RAD51B: variants seen among roughly 807,000 people sequenced by gnomAD.
RAD51B encodes the protein RAD51 paralog B.
RAD51B carries 38 observed loss-of-function variants against 42.2 expected under a neutral mutation model. The observed-to-expected ratio is 0.90, with a 90% CI of 0.70 to 1.18. RAD51B has a LOEUF of 1.18. Ranked by LOEUF, RAD51B falls within the 50% of genes most tolerant of loss-of-function variation. RAD51B has a pLI of 0.00. For missense variants in RAD51B, 373 were observed against 400.7 expected (o/e 0.93, Z 0.59); for synonymous variants, 154 against 145.2 (o/e 1.06, Z -0.43).
At chr14:68,024,325 T>C (rs2075917029) in intron 7 of RAD51B, among the ~76,000 whole-genome samples, 1 of 152,228 alleles carries the variant, frequency 6.6e-6, no homozygotes, top group Non-Finnish European at 1.5e-5. Context: ...ATTTGGGCTC[T>C]AAAATTCTAT....
chr14:68,662,336 AT>A (rs1196860467), intron 11 of RAD51B, among the ~76,000 whole-genome samples: 4 of 152,178 alleles, frequency 2.6e-5, no homozygotes, highest in Non-Finnish European at 5.9e-5. Flanking sequence ...ATCCTATTAT[AT>A]TTCATCTTGT....
At chr14:68,681,618 A>G (rs1272282553) in intron 11 of RAD51B, among the ~76,000 whole-genome samples, 1 of 152,178 alleles carries the variant, frequency 6.6e-6, no homozygotes, top group Non-Finnish European at 1.5e-5. Flanking sequence ...CAAAGTTATG[A>G]TTCTAAGACC....
At chr14:68,057,819 CTT>C (rs1271719568) in intron 7 of RAD51B, among the ~76,000 whole-genome samples, 1 of 80,298 alleles carries the variant, frequency 1.2e-5, no homozygotes. Context: ...CCTTTTAGTT[CTT>C]TGTGTGTGTG....
chr14:68,407,276 G>T (rs1466770163), intron 8 of RAD51B, among the ~76,000 whole-genome samples: 1 of 152,038 alleles, frequency 6.6e-6, no homozygotes, highest in African/African-American at 2.4e-5. Flanking sequence ...ACTGGTTTTT[G>T]TATTTACTAA....
At chr14:68,628,473 A>G (rs1892147006) in intron 10 of RAD51B, 1 of 152,442 alleles carries the variant, frequency 6.6e-6, no homozygotes. Context: ...CTGCTGCACA[A>G]AGGCCTGCTT....
intron 7 of RAD51B, among the ~76,000 whole-genome samples, chr14:68,253,479 T>C (rs187844571): frequency 7.9e-5 from 12 of 152,368 alleles, no homozygotes; most frequent in Admixed American, 5.2e-4. Flanking sequence ...TTTTGTCTCA[T>C]ATTTGTTTCA....
intron 8 of RAD51B, among the ~76,000 whole-genome samples, chr14:68,400,962 G>T (rs2084087055): frequency 6.6e-6 from 1 of 152,142 alleles, no homozygotes; most frequent in South Asian, 2.1e-4. Flanking sequence ...AAAAGGTTCA[G>T]GGGCATGGCC....
intron 7 of RAD51B, among the ~76,000 whole-genome samples, chr14:68,257,918 A>T (rs1254159890): frequency 6.6e-6 from 1 of 152,260 alleles, no homozygotes; most frequent in Non-Finnish European, 1.5e-5. Context: ...TTTATTAGTT[A>T]TGGAGAAAGT....
intron 10 of RAD51B, among the ~76,000 whole-genome samples, chr14:68,641,047 T>G (rs1892449897): frequency 6.6e-6 from 1 of 152,198 alleles, no homozygotes; most frequent in South Asian, 2.1e-4. Flanking sequence ...AGAGACTGAT[T>G]ATGGTCATAT....
chr14:68,201,750 C>G (rs8011148), intron 7 of RAD51B, among the ~76,000 whole-genome samples: 4,303 of 152,178 alleles, frequency 0.028, 229 homozygotes, highest in African/African-American at 0.099. Context: ...AGGGAAGGCT[C>G]TGTGGAAGAG....
chr14:68,226,224 G>A (rs913801190), intron 7 of RAD51B, among the ~76,000 whole-genome samples: 1 of 152,150 alleles, frequency 6.6e-6, no homozygotes, highest in Non-Finnish European at 1.5e-5. Flanking sequence ...CTGTGCTTCG[G>A]TTTTCTAATC....
intron 10 of RAD51B, among the ~76,000 whole-genome samples, chr14:68,473,171 A>T (rs546838406): frequency 6.6e-6 from 1 of 152,352 alleles, no homozygotes; most frequent in Non-Finnish European, 1.5e-5. Context: ...GTACAGAGGT[A>T]TCTGCATGGT....
intron 8 of RAD51B, among the ~76,000 whole-genome samples, chr14:68,375,212 T>C (rs113657033): frequency 6.6e-6 from 1 of 152,268 alleles, no homozygotes; most frequent in African/African-American, 2.4e-5. Flanking sequence ...AATCTCTTTG[T>C]ATGTGATGGT....
At chr14:68,196,465 T>A (rs764897095) in intron 7 of RAD51B, among the ~76,000 whole-genome samples, 1 of 152,050 alleles carries the variant, frequency 6.6e-6, no homozygotes, top group African/African-American at 2.4e-5. Context: ...CTTTCCTACT[T>A]CTCCACATCT....
At chr14:68,370,484 T>C (rs879330282) in intron 8 of RAD51B, among the ~76,000 whole-genome samples, 1 of 152,164 alleles carries the variant, frequency 6.6e-6, no homozygotes, top group Non-Finnish European at 1.5e-5. Flanking sequence ...CTAAGCATAA[T>C]GCAAAGTTTT....
intron 9 of RAD51B, among the ~76,000 whole-genome samples, chr14:68,457,773 ATTT>A (rs771439291): frequency 9.4e-6 from 1 of 106,764 alleles, no homozygotes. Context: ...TAATTTTTGT[ATTT>A]TTTTTTTTTT....
chr14:68,151,823 C>CTTTTTTTT (rs71129868), intron 7 of RAD51B, among the ~76,000 whole-genome samples: 2 of 39,936 alleles, frequency 5.0e-5, no homozygotes, highest in African/African-American at 1.9e-4. Context: ...GTTATAAAGA[C>CTTTTTTTT]TTTTTTTTTT....
chr14:68,479,192 G>A (rs186422940), downstream of RAD51B, among the ~76,000 whole-genome samples: 2 of 152,126 alleles, frequency 1.3e-5, no homozygotes, highest in Non-Finnish European at 2.9e-5. Flanking sequence ...ATAGAATGTT[G>A]GTGAAAACCA....
At chr14:67,917,228 T>C (rs1269092108) in intron 7 of RAD51B, among the ~76,000 whole-genome samples, 1 of 152,200 alleles carries the variant, frequency 6.6e-6, no homozygotes, top group Non-Finnish European at 1.5e-5. Flanking sequence ...GACTGGGTAA[T>C]TTATAAAGAA....
Sources: allele counts gnomAD v4.1 joint callset (sites outside exome capture counted in the v4.1 genomes callset), GRCh38; gene constraint gnomAD v4.1.1; transcripts MANE v1.5; gene names NCBI Gene and HGNC (gene_info 2026-07-23, HGNC 2026-07-21).